NID2: variants seen among roughly 807,000 people sequenced by gnomAD.
NID2 encodes nidogen 2.
A neutral mutation model predicts 145.4 loss-of-function variants in NID2; 83 were observed. The observed-to-expected ratio is 0.57, with a 90% CI of 0.48 to 0.69. The LOEUF (loss-of-function observed/expected upper bound fraction) is 0.69, where lower values mean the gene tolerates loss of function less well. Ranked by LOEUF, NID2 falls within the 30% of genes least tolerant of loss-of-function variation. The pLI is 0.00. For missense variants in NID2, 1,807 were observed against 1,765.7 expected (o/e 1.02, Z -0.42); for synonymous variants, 739 against 701.3 (o/e 1.05, Z -0.85).
intron 21 of NID2, 40 bp downstream of exon 21, chr14:52,005,697 C>A (rs766734734): frequency 1.3e-6 from 2 of 1,514,076 alleles, no homozygotes; most frequent in Admixed American, 3.3e-5. Flanking sequence ...CCTTCTCTAC[C>A]CTGCTAATTT....
chr14:52,060,423 GAAGA>G (rs1274464349), intron 2 of NID2, 67 bp from the exon 3 acceptor site: 1 of 903,998 alleles, frequency 1.1e-6, no homozygotes, highest in Non-Finnish European at 1.5e-6. Flanking sequence ...ACAAATAAAA[GAAGA>G]AAGAAACAGA....
intron 19 of NID2, chr14:52,007,570 G>A: frequency 2.1e-6 from 1 of 477,418 alleles, no homozygotes; most frequent in Non-Finnish European, 3.7e-6. Context: ...AATATGCCAG[G>A]CACTCATGGT....
chr14:52,030,842 C>A (rs980868850), intron 9 of NID2, among the ~76,000 whole-genome samples: 5 of 152,176 alleles, frequency 3.3e-5, no homozygotes, highest in African/African-American at 1.2e-4. Flanking sequence ...CAGAACAGGA[C>A]CATGTCTTAA....
intron 12 of NID2, 134 bp downstream of exon 12, chr14:52,027,067 C>A: frequency 2.2e-6 from 2 of 898,590 alleles, no homozygotes; most frequent in South Asian, 3.3e-5. Context: ...ACGCTTTTTT[C>A]TCACTATTTT....
At chr14:52,012,642 G>C (rs569867403) in intron 16 of NID2, among the ~76,000 whole-genome samples, 3 of 152,244 alleles carry the variant, frequency 2.0e-5, no homozygotes, top group South Asian at 2.1e-4. Context: ...AGGAACTAGG[G>C]AGTAGTGGTT....
In NID2 at chr14:52,042,200, G is replaced by C; in HGVS notation, c.1730C>G (p.Ala577Gly). 1 of 1,614,256 alleles carries C rather than the reference G, an allele frequency of 6.2e-7. No homozygotes were observed. The change falls in exon 7 of 22, where the codon GCC (alanine) becomes GGC (glycine). Residue 577 changes from alanine (A) to glycine (G), a missense_variant. Ala to Gly is a moderately conservative substitution (Grantham distance 60). Transcript: ENST00000216286. ...TGGTGTGAGGGGGAGGAGGGCCTGG[G>C]CTGCTGGCTGTGGGATGTGGCTGAT... The part of the protein sequence containing the change: ...TAISHIPQPA[A>G]QALLPLTPIG...
At chr14:52,038,725 A>T (rs934405165) in intron 9 of NID2, 22 bp downstream of exon 9, 2 of 1,523,856 alleles carry the variant, frequency 1.3e-6, no homozygotes, top group South Asian at 1.3e-5. Flanking sequence ...TTTTTACCCA[A>T]CAACAAAAAA....
chr14:52,044,716 G>A (rs1892423155), intron 5 of NID2, among the ~76,000 whole-genome samples: 1 of 152,056 alleles, frequency 6.6e-6, no homozygotes, highest in Non-Finnish European at 1.5e-5. Flanking sequence ...AGGCTCAAGT[G>A]ATCCTCCTAT....
At chr14:52,050,066 T>A (rs540375889) in intron 5 of NID2, among the ~76,000 whole-genome samples, 19 of 152,228 alleles carry the variant, frequency 1.2e-4, no homozygotes, top group Non-Finnish European at 2.5e-4. Flanking sequence ...TGGGACTACA[T>A]GAGGTTTCTG....
Position 52,040,846 on chromosome 14 carries a change from C to G in NID2, c.1831G>C (p.Ala611Pro), listed in dbSNP as rs200215158. Reference protein sequence around the residue: ...SENGFSLAGAAFTHDMEVTFY... With the variant: ...SENGFSLAGAPFTHDMEVTFY... ...GTAACTTCCATGTCATGGGTAAAGG[C>G]AGCACCTGGAGATGAAAAACATTCA... Residue 611 changes from alanine (A) to proline (P), a missense_variant, in exon 8 of 22, where the codon GCC becomes CCC. Physicochemically the swap from Ala to Pro is conservative, Grantham distance 27. Coordinates refer to ENST00000216286, the MANE Select transcript of NID2 (RefSeq NM_007361.4). 2.0e-4 allele frequency: 326 copies of G among 1,614,008 alleles called. No individual in the cohort carries two copies. Among genetic ancestry groups the G allele is most frequent in the Non-Finnish European group, 2.7e-4 (320 of 1,180,004 alleles).
At position 52,014,268 on chromosome 14, in the gene NID2, C is replaced by G; in HGVS notation, c.3420+19G>C. ...GAAAGCCACGCAGCCCTGCCCCCTA[C>G]AGGAGAAATCCACTTTACATGCAGA... On this transcript the variant is annotated intron_variant, in intron 16 of 21. Transcript: ENST00000216286. 6.2e-7 allele frequency: 1 copy of G among 1,614,220 alleles called. No homozygotes were observed.
intron 9 of NID2, among the ~76,000 whole-genome samples, chr14:52,036,470 C>T (rs1892075476): frequency 6.6e-6 from 1 of 152,140 alleles, no homozygotes; most frequent in South Asian, 2.1e-4. Context: ...TATGAATATA[C>T]ACGAATAAGT....
intron 3 of NID2, among the ~76,000 whole-genome samples, chr14:52,056,008 G>C (rs1235016949): frequency 6.6e-6 from 1 of 151,858 alleles, no homozygotes; most frequent in Non-Finnish European, 1.5e-5. Context: ...GGTAAATTTA[G>C]GGAAAAAAGC....
intron 17 of NID2, 53 bp from the exon 18 acceptor site, chr14:52,011,100 A>C: frequency 1.3e-6 from 2 of 1,573,262 alleles, no homozygotes; most frequent in Non-Finnish European, 1.7e-6. Context: ...TGGAGGGCAA[A>C]CCTGAAGCCC....
intron 5 of NID2, among the ~76,000 whole-genome samples, chr14:52,050,140 C>T (rs1381627911): frequency 1.3e-5 from 2 of 152,218 alleles, no homozygotes; most frequent in African/African-American, 4.8e-5. Context: ...CTGCGTATAG[C>T]ACTGCCTCAG....
intron 9 of NID2, among the ~76,000 whole-genome samples, chr14:52,038,099 C>T (rs1255796304): frequency 2.6e-5 from 4 of 152,124 alleles, no homozygotes; most frequent in African/African-American, 9.7e-5. Context: ...TGTGTTCTTG[C>T]CTAATCACCC....
intron 9 of NID2, 110 bp from the exon 10 acceptor site, chr14:52,029,800 C>A (rs888702285): frequency 2.3e-6 from 2 of 874,634 alleles, no homozygotes; most frequent in Non-Finnish European, 3.5e-6. Context: ...TGTGACACAC[C>A]GGAAGACCTT....
At chr14:52,005,689 T>A (rs1310467285) in intron 21 of NID2, 48 bp downstream of exon 21, 1 of 1,494,158 alleles carries the variant, frequency 6.7e-7, no homozygotes, top group South Asian at 1.1e-5. Flanking sequence ...TATATATCCC[T>A]TCTCTACCCT....
At chr14:52,054,502 G>A (rs1044859580) in intron 3 of NID2, among the ~76,000 whole-genome samples, 181 bp from the exon 4 acceptor site, 7 of 152,202 alleles carry the variant, frequency 4.6e-5, no homozygotes, top group African/African-American at 1.4e-4. Context: ...AGGAGTTTGA[G>A]ACCAGTCTAG....
Sources: gnomAD v4.1 joint callset for allele counts (sites outside exome capture counted in the v4.1 genomes callset) on GRCh38, gnomAD v4.1.1 for gene constraint, MANE v1.5 for transcripts, NCBI Gene and HGNC (gene_info 2026-07-23, HGNC 2026-07-21) for gene names.